SLC4A10: variants seen among roughly 807,000 people sequenced by gnomAD.
SLC4A10 encodes the protein solute carrier family 4 member 10, also known as sodium-driven chloride bicarbonate exchanger.
Under a neutral mutation model 137.7 loss-of-function variants are expected in SLC4A10, and 42 were observed. That is an observed-to-expected ratio of 0.30 (90% CI 0.24 to 0.39). The LOEUF is 0.39. SLC4A10 is among the 10% of genes least tolerant of loss of function. The pLI, the probability that SLC4A10 is intolerant of heterozygous loss-of-function variation, is 1.00. For synonymous variants in SLC4A10, 474 were observed against 464.1 expected (o/e 1.02, Z -0.27); for missense variants, 925 against 1,355.0 (o/e 0.68, Z 4.98).
chr2:161,868,554 GA>G (rs978882139), intron 6 of SLC4A10, among the ~76,000 whole-genome samples: 6 of 148,232 alleles, frequency 4.0e-5, no homozygotes, highest in South Asian at 2.1e-4. Flanking sequence ...AAGACTCAAA[GA>G]AAAAAAAATG....
intron 1 of SLC4A10, among the ~76,000 whole-genome samples, chr2:161,641,267 T>C (rs186738474): frequency 6.2e-4 from 94 of 152,286 alleles, no homozygotes; most frequent in African/African-American, 1.9e-3. Context: ...ATTTATGTCA[T>C]TTCTTATGAA....
chr2:161,828,937 GA>G, intron 3 of SLC4A10, among the ~76,000 whole-genome samples: 1 of 148,944 alleles, frequency 6.7e-6, no homozygotes. Flanking sequence ...TATTCTATTA[GA>G]ATAATTCTAT....
chr2:161,694,274 A>ACTC (rs2042274568), intron 1 of SLC4A10, among the ~76,000 whole-genome samples: 1 of 151,974 alleles, frequency 6.6e-6, no homozygotes, highest in Non-Finnish European at 1.5e-5. Context: ...GGATTGAGAC[A>ACTC]CCTTAACTCC....
At chr2:161,896,204 G>C (rs1407896996) in intron 11 of SLC4A10, among the ~76,000 whole-genome samples, 1 of 151,866 alleles carries the variant, frequency 6.6e-6, no homozygotes, top group East Asian at 1.9e-4. Context: ...TGTCAGGTTT[G>C]TCAAAGATCA....
At chr2:161,914,015 A>G (rs899650209) in intron 15 of SLC4A10, among the ~76,000 whole-genome samples, 2 of 152,220 alleles carry the variant, frequency 1.3e-5, no homozygotes, top group African/African-American at 2.4e-5. Flanking sequence ...GTCATGCTAA[A>G]TGAATGCTTA....
At chr2:161,864,841 G>A (rs2060643012) in intron 6 of SLC4A10, among the ~76,000 whole-genome samples, 1 of 152,070 alleles carries the variant, frequency 6.6e-6, no homozygotes. Flanking sequence ...TACAAATGCA[G>A]TGCTTTTGTT....
At chr2:161,627,925 G>T (rs1415599276) in intron 1 of SLC4A10, among the ~76,000 whole-genome samples, 1 of 152,068 alleles carries the variant, frequency 6.6e-6, no homozygotes, top group Non-Finnish European at 1.5e-5. Flanking sequence ...TCACACTCCA[G>T]CTAGACTAGA....
rs571664451 is a variant in SLC4A10, at chr2:161,636,820, G to C, written c.48+12254G>C. Among the ~76,000 whole-genome samples the C allele has an allele frequency of 6.3e-4, 96 of 151,882 alleles. 1 individual carries two copies. The highest frequency in any genetic ancestry group is 2.3e-3 in the African/African-American group (94 of 41,446). On this transcript the variant is annotated intron_variant, in intron 1 of 26. Transcript: ENST00000446997. ...TCCTCTCACCTTGACCTCTTGAGTA[G>C]GCAGGACTACAAGTGTGCACTACCA...
chr2:161,853,976 G>A (rs991930039), intron 4 of SLC4A10, among the ~76,000 whole-genome samples: 5 of 152,052 alleles, frequency 3.3e-5, no homozygotes, highest in African/African-American at 1.2e-4. Flanking sequence ...CCACATATTT[G>A]TTGTGTGTTG....
intron 3 of SLC4A10, among the ~76,000 whole-genome samples, chr2:161,821,782 A>G (rs1173672317): frequency 1.3e-5 from 2 of 151,718 alleles, no homozygotes; most frequent in Non-Finnish European, 3.0e-5. Flanking sequence ...TTGAAACATA[A>G]TCTTAATCCC....
intron 26 of SLC4A10, among the ~76,000 whole-genome samples, chr2:161,979,691 C>T (rs1387328138): frequency 6.6e-6 from 1 of 152,072 alleles, no homozygotes; most frequent in African/African-American, 2.4e-5. Context: ...GCATCATGAC[C>T]AGGAACTGTG....
At position 161,852,241 on chromosome 2, in the gene SLC4A10, C is replaced by A. The variant is rs192598864; in HGVS notation, c.417-2729C>A. Among the ~76,000 whole-genome samples, 189 of 152,288 alleles carry A rather than the reference C, an allele frequency of 1.2e-3. 1 individual carries two copies. The highest frequency in any genetic ancestry group is 4.4e-3 in the African/African-American group (182 of 41,564). Reference sequence around the variant, plus strand: ...TAAATAGCATTACACCCTTTTAAAACTCTAGGTTTTCTTTACCACCAAATA... The same window carrying A: ...TAAATAGCATTACACCCTTTTAAAAATCTAGGTTTTCTTTACCACCAAATA... On this transcript the variant is annotated intron_variant, in intron 4 of 26. Coordinates refer to ENST00000446997, the MANE Select transcript of SLC4A10 (RefSeq NM_001178015.2).
intron 15 of SLC4A10, among the ~76,000 whole-genome samples, chr2:161,938,733 CAAATATAAAAGAGA>C (rs1279791639): frequency 6.7e-6 from 1 of 149,810 alleles, no homozygotes; most frequent in African/African-American, 2.4e-5. Flanking sequence ...AGAGACAAAG[CAAATATAAAAGAGA>C]TTTTGAGATA....
At chr2:161,900,417 C>T (rs533840226) in intron 11 of SLC4A10, among the ~76,000 whole-genome samples, 6 of 152,046 alleles carry the variant, frequency 3.9e-5, no homozygotes, top group Non-Finnish European at 7.4e-5. Context: ...AACTATGCCA[C>T]GCATATAACA....
chr2:161,644,068 C>CT (rs5835873), intron 1 of SLC4A10, among the ~76,000 whole-genome samples: 108,524 of 143,642 alleles, frequency 0.76, 41,302 homozygotes, highest in East Asian at 0.84. Flanking sequence ...GGCTTCTAAT[C>CT]TTTTTTTTTT....
At chr2:161,678,344 G>A (rs2040484835) in intron 1 of SLC4A10, among the ~76,000 whole-genome samples, 2 of 152,244 alleles carry the variant, frequency 1.3e-5, no homozygotes, top group South Asian at 4.1e-4. Flanking sequence ...TTTATAGAGA[G>A]GAACTTGTAC....
intron 5 of SLC4A10, among the ~76,000 whole-genome samples, chr2:161,857,905 A>G (rs1207370466): frequency 1.3e-5 from 2 of 152,086 alleles, no homozygotes; most frequent in Non-Finnish European, 2.9e-5. Context: ...TGGGGATGGG[A>G]TCTCCTATGT....
intron 2 of SLC4A10, among the ~76,000 whole-genome samples, chr2:161,801,943 T>C (rs532259668): frequency 1.3e-5 from 2 of 152,120 alleles, no homozygotes; most frequent in Non-Finnish European, 2.9e-5. Context: ...ATGAATACTC[T>C]ATTGTTTCTC....
At chr2:161,759,450 A>G (rs902057648) in intron 1 of SLC4A10, among the ~76,000 whole-genome samples, 5 of 151,974 alleles carry the variant, frequency 3.3e-5, no homozygotes, top group Admixed American at 2.0e-4. Flanking sequence ...TATAACTGAA[A>G]GTTTGTACAT....
Sources: allele counts gnomAD v4.1 joint callset (sites outside exome capture counted in the v4.1 genomes callset), GRCh38; gene constraint gnomAD v4.1.1; transcripts MANE v1.5; gene names NCBI Gene and HGNC (gene_info 2026-07-23, HGNC 2026-07-21).